The following SLC25A34 variants were observed in gnomAD, a reference collection of about 807,000 sequenced individuals.
The protein encoded by SLC25A34 is solute carrier family 25 member 34.
SLC25A34 carries 26 observed loss-of-function variants against 28.1 expected under a neutral mutation model. That is an observed-to-expected ratio of 0.93 (90% CI 0.68 to 1.28). SLC25A34 has a LOEUF of 1.28. Ranked by LOEUF, SLC25A34 falls within the 50% of genes most tolerant of loss-of-function variation. The probability of loss-of-function intolerance (pLI) is 0.00; values close to 1 mark genes in which losing one functional copy is unlikely to be tolerated. For missense variants in SLC25A34, 384 were observed against 409.8 expected, an observed-to-expected ratio of 0.94 and a Z score of 0.54; for synonymous variants, 182 against 182.2, an observed-to-expected ratio of 1.00 and a Z score of 0.01.
At chr1:15,737,889 A>G in intron 1 of SLC25A34, 40 bp from the exon 2 acceptor site, 4 of 1,612,142 alleles carry the variant, frequency 2.5e-6, no homozygotes. Context: ...TGGCTCTCCC[A>G]GGCTCCATCC....
At chr1:15,736,963 G>C in intron 1 of SLC25A34, 100 bp downstream of exon 1, 1 of 1,403,254 alleles carries the variant, frequency 7.1e-7, no homozygotes, top group African/African-American at 1.5e-5. Flanking sequence ...GGACCTGGGT[G>C]GGGTGGGGCA....
chr1:15,736,875 G>A lies in SLC25A34; in HGVS notation c.378+12G>A. On this transcript the variant is annotated intron_variant, in intron 1 of 4. Transcript: ENST00000294454. ...GCCCTGCTTACCTGGTGAGTGGCTT[G>A]TCTCCATCGTCCACCCTCCACCATC... is the stretch of plus-strand genomic sequence containing the variant. 1 of 1,516,012 alleles carries A rather than the reference G, an allele frequency of 6.6e-7. No individual in the cohort carries two copies. Among genetic ancestry groups the A allele is most frequent in the East Asian group, 2.4e-5 (1 of 42,182 alleles). 93.9% of individuals were successfully genotyped at this position (1,516,012 alleles called of 1,614,324 possible). A position where few individuals can be genotyped will look rare whatever the true frequency, so the allele number is the denominator to read the frequency against.
intron 3 of SLC25A34, 88 bp downstream of exon 3, chr1:15,738,333 G>C: frequency 6.7e-7 from 1 of 1,482,018 alleles, no homozygotes; most frequent in Admixed American, 2.5e-5. Flanking sequence ...GGGAAGACCA[G>C]GGGGTGGCAA....
At position 15,741,382 on chromosome 1, in the gene SLC25A34, G is replaced by C. The variant is rs1054044992; in HGVS notation, c.*1976G>C. On this transcript the variant is annotated 3_prime_UTR_variant, in exon 5 of 5. Transcript: ENST00000294454. Reference sequence around the variant, plus strand: ...CCAAACCAATAAAGTTTTATATTTTGTTTACTTCAACGACCCTCCTCTGTG... The same window carrying C: ...CCAAACCAATAAAGTTTTATATTTTCTTTACTTCAACGACCCTCCTCTGTG... The C allele has an allele frequency of 6.6e-6, 1 of 152,620 alleles. No individual in the cohort carries two copies. Among genetic ancestry groups the C allele is most frequent in the Non-Finnish European group, 1.5e-5 (1 of 68,084 alleles). 9.5% of individuals were successfully genotyped at this position (152,620 alleles called of 1,614,324 possible). A position where few individuals can be genotyped will look rare whatever the true frequency, so the allele number is the denominator to read the frequency against.
chr1:15,738,040 A>G (rs926742696), intron 2 of SLC25A34, 46 bp downstream of exon 2: 3 of 1,613,686 alleles, frequency 1.9e-6, no homozygotes, highest in African/African-American at 1.3e-5. Flanking sequence ...TGGATTGGGC[A>G]TGCTCCCAGC....
chr1:15,737,155 G>A (rs1386750914), intron 1 of SLC25A34, among the ~76,000 whole-genome samples: 4 of 152,204 alleles, frequency 2.6e-5, no homozygotes, highest in African/African-American at 4.8e-5. Flanking sequence ...TTCTCTTCCC[G>A]CATGGCCTCA....
At position 15,737,043 on chromosome 1, in the gene SLC25A34, GCT is replaced by G. The variant is rs57735813; in HGVS notation, c.378+183_378+184del. 1.8e-3 allele frequency: 1,538 copies of G among 874,098 alleles called. 20 individuals are homozygous for G. In the African/African-American group the frequency reaches 0.023, roughly 13 times the overall value. 54.1% of individuals were successfully genotyped at this position (874,098 alleles called of 1,614,324 possible). On this transcript the variant is annotated intron_variant, in intron 1 of 4. Transcript: ENST00000294454. Reference sequence around the variant, plus strand: ...AATCTGCCCCTTGGCCCAGGGCCTTGCTCTGATCCATGCTCCCCTGCGGTCCC... The same window carrying G: ...AATCTGCCCCTTGGCCCAGGGCCTTGCTGATCCATGCTCCCCTGCGGTCCC...
In SLC25A34 at chr1:15,736,645, A is replaced by G. The variant is rs752636837; in HGVS notation, c.160A>G (p.Ile54Val). 16 of 1,592,226 alleles carry G rather than the reference A, an allele frequency of 1.0e-5. No homozygotes were observed. Among genetic ancestry groups the G allele is most frequent in the Non-Finnish European group, 1.4e-5 (16 of 1,170,520 alleles). The change falls in exon 1 of 5, where the codon ATA becomes GTA. Residue 54 changes from isoleucine (I) to valine (V), a missense_variant. Ile to Val is a conservative substitution (Grantham distance 29). Coordinates refer to ENST00000294454, the MANE Select transcript of SLC25A34 (RefSeq NM_207348.3). ...GTYPRPYHGF[I>V]ASVAAVARAD... ...CTACCCACGGCCCTACCATGGCTTC[A>G]TAGCCTCTGTCGCTGCTGTGGCCCG...
rs75686813 is a variant in SLC25A34, at chr1:15,739,119, T to C, written c.733-105T>C. ...ACAGGTGTGTCCAATACAAAGGTGC[T>C]GTCCATAGGGTGTGTGGGGGTGAAA... On this transcript the variant is annotated intron_variant, in intron 4 of 4. Transcript: ENST00000294454. 2,494 of 1,387,276 alleles carry C rather than the reference T, an allele frequency of 1.8e-3. 52 individuals are homozygous for C. The African/African-American group carries it at 0.033, about 18-fold the overall frequency. 85.9% of individuals were successfully genotyped at this position (1,387,276 alleles called of 1,614,324 possible).
At position 15,738,120 on chromosome 1, in the gene SLC25A34, T is replaced by G. The variant is rs765674952; in HGVS notation, c.472T>G (p.Trp158Gly). 6 of 1,605,756 alleles carry G rather than the reference T, an allele frequency of 3.7e-6. No individual in the cohort carries two copies. Among genetic ancestry groups the G allele is most frequent in the Non-Finnish European group, 5.1e-6 (6 of 1,174,562 alleles). ...QTVLGALETI[W>G]RQQGLLGLWQ... is the part of the protein sequence containing the mutation. ...TGTCCTGGGTGCCTTGGAGACCATC[T>G]GGCGGCAGCAAGGGCTCTTGGGGCT... The change falls in exon 3 of 5, where the codon TGG becomes GGG. Residue 158 changes from tryptophan (W) to glycine (G), a missense_variant. By Grantham distance (184) the Trp-to-Gly change is radical. Transcript: ENST00000294454.
intron 3 of SLC25A34, 39 bp from the exon 4 acceptor site, chr1:15,738,555 G>C (rs762075997): frequency 6.3e-7 from 1 of 1,586,986 alleles, no homozygotes; most frequent in Non-Finnish European, 8.6e-7. Flanking sequence ...GGTGGGTAGA[G>C]AGCTGTTGCA....
intron 3 of SLC25A34, 136 bp downstream of exon 3, chr1:15,738,381 C>G (rs773632059): frequency 7.4e-7 from 1 of 1,342,988 alleles, no homozygotes; most frequent in Non-Finnish European, 9.9e-7. Flanking sequence ...AGTCGTGACT[C>G]CGGCCCTTGG....
Position 15,736,508 on chromosome 1 carries a change from TG to T in SLC25A34, c.25del (p.Asp9ThrfsTer22). 1 of 1,453,668 alleles carries T rather than the reference TG, an allele frequency of 6.9e-7. No individual in the cohort carries two copies. Among genetic ancestry groups the T allele is most frequent in the South Asian group, 1.5e-5 (1 of 67,710 alleles). 90.0% of individuals were successfully genotyped at this position (1,453,668 alleles called of 1,614,324 possible). On this transcript the variant is annotated frameshift_variant, in exon 1 of 5. Transcript: ENST00000294454. LOFTEE classifies it high-confidence loss of function. METVPPA[V>X]DLVLGASACC... ...GCCATGGAGACGGTGCCCCCAGCAGTGGACCTGGTGCTGGGTGCTTCTGCCT... is the reference window on the plus strand; with the variant it reads ...GCCATGGAGACGGTGCCCCCAGCAGTGACCTGGTGCTGGGTGCTTCTGCCT...
intron 4 of SLC25A34, 52 bp downstream of exon 4, chr1:15,738,780 C>T: frequency 6.9e-7 from 1 of 1,442,398 alleles, no homozygotes. Context: ...AGCACCCCCC[C>T]AACACACACA....
At position 15,736,313 on chromosome 1, in the gene SLC25A34, C is replaced by T; in HGVS notation, c.-173C>T. 1 of 555,632 alleles carries T rather than the reference C, an allele frequency of 1.8e-6. No individual in the cohort carries two copies. The highest frequency in any genetic ancestry group is 3.5e-5 in the East Asian group (1 of 28,664). 34.4% of individuals were successfully genotyped at this position (555,632 alleles called of 1,614,324 possible). ...GGACTGCTGAGATAGACCAGGGACA[C>T]CAGGCAGCCACAGGCCTGTCAGACC... On this transcript the variant is annotated 5_prime_UTR_variant, in exon 1 of 5. Transcript: ENST00000294454.
chr1:15,740,264 A>G lies in SLC25A34; in HGVS notation c.*858A>G, dbSNP rs545694883. On this transcript the variant is annotated 3_prime_UTR_variant, in exon 5 of 5. Transcript: ENST00000294454. ...TCATGTTGGCTTAGGGCCCACCCTC[A>G]TGACCCCACTTTAATTTTTTTTTTT... 5.4e-5 allele frequency: 8 copies of G among 148,684 alleles called. No homozygotes were observed. The highest frequency in any genetic ancestry group is 1.5e-4 in the African/African-American group (6 of 40,274). 9.2% of individuals were successfully genotyped at this position (148,684 alleles called of 1,614,324 possible). A position where few individuals can be genotyped will look rare whatever the true frequency, so the allele number is the denominator to read the frequency against.
intron 1 of SLC25A34, 29 bp downstream of exon 1, chr1:15,736,892 T>A: frequency 6.7e-7 from 1 of 1,488,254 alleles, no homozygotes; most frequent in Non-Finnish European, 8.9e-7. Context: ...TCGTCCACCC[T>A]CCACCATCCC....
rs892489943 is a variant in SLC25A34 at position 15,741,146 on chromosome 1, G to A, written c.*1740G>A. 1 of 152,546 alleles carries A rather than the reference G, an allele frequency of 6.6e-6. No homozygotes were observed. The highest frequency in any genetic ancestry group is 2.4e-5 in the African/African-American group (1 of 41,466). The allele number at this position is 152,546 out of a possible 1,614,324, so 9.4% of individuals were successfully genotyped here. A position where few individuals can be genotyped will look rare whatever the true frequency, so the allele number is the denominator to read the frequency against. ...GAGGCCCGGGAAAGGGAAGCGACGT[G>A]GCAGGGCCAGCAGCAGACCCTGGGC... On this transcript the variant is annotated 3_prime_UTR_variant, in exon 5 of 5. Transcript: ENST00000294454.
chr1:15,739,574 G>A lies in SLC25A34; in HGVS notation c.*168G>A. On this transcript the variant is annotated 3_prime_UTR_variant, in exon 5 of 5. Coordinates refer to ENST00000294454, the MANE Select transcript of SLC25A34 (RefSeq NM_207348.3). ...CCATCCAGCCCCTTGGCCCACCCAG[G>A]TCCAGAGCATCCACTTCAAGTTACC... is the stretch of plus-strand genomic sequence containing the variant. The A allele has an allele frequency of 1.5e-6, 1 of 647,830 alleles. No individual in the cohort carries two copies. The highest frequency in any genetic ancestry group is 2.4e-6 in the Non-Finnish European group (1 of 421,706). 40.1% of individuals were successfully genotyped at this position (647,830 alleles called of 1,614,324 possible).
Sources: allele counts gnomAD v4.1 joint callset (sites outside exome capture counted in the v4.1 genomes callset), GRCh38; gene constraint gnomAD v4.1.1; transcripts MANE v1.5; gene names NCBI Gene and HGNC (gene_info 2026-07-23, HGNC 2026-07-21).